Variants in RIIAD1 observed in about 807,000 individuals in gnomAD.
RIIAD1 encodes RIIa domain-containing protein 1.
RIIAD1 carries 15 observed loss-of-function variants against 13.3 expected under a neutral mutation model. That is an observed-to-expected ratio of 1.13 (90% CI 0.76 to 1.74). The LOEUF (loss-of-function observed/expected upper bound fraction) is 1.74, where lower values mean the gene tolerates loss of function less well. Ranked by LOEUF, RIIAD1 falls within the 40% of genes most tolerant of loss-of-function variation. The probability of loss-of-function intolerance (pLI) is 0.00; values close to 1 mark genes in which losing one functional copy is unlikely to be tolerated. For missense variants in RIIAD1, 121 were observed against 112.2 expected, an observed-to-expected ratio of 1.08 and a Z score of -0.35; for synonymous variants, 50 against 43.3, an observed-to-expected ratio of 1.16 and a Z score of -0.61.
intron 4 of RIIAD1, among the ~76,000 whole-genome samples, 156 bp downstream of exon 4, chr1:151,729,049 G>A (rs1647260092): frequency 6.6e-6 from 1 of 152,214 alleles, no homozygotes; most frequent in Non-Finnish European, 1.5e-5. Context: ...TGGGGAATTA[G>A]GGACTGTGAA....
chr1:151,718,996 G>A (rs1046634690), upstream of RIIAD1, among the ~76,000 whole-genome samples: 3 of 152,090 alleles, frequency 2.0e-5, no homozygotes, highest in Non-Finnish European at 4.4e-5. Context: ...ATTCAGGCTT[G>A]GGGCTAATCA....
upstream of RIIAD1, chr1:151,719,828 A>G: frequency 1.7e-6 from 1 of 588,942 alleles, no homozygotes. Context: ...TCAAAGCACA[A>G]GAAGATCACA....
At position 151,728,776 on chromosome 1, in the gene RIIAD1, G is replaced by A. The variant is rs758070985; in HGVS notation, c.219G>A (p.Thr73=). 184 of 1,537,478 alleles carry A rather than the reference G, an allele frequency of 1.2e-4. No homozygotes were observed. Among genetic ancestry groups the A allele is most frequent in the Admixed American group, 1.4e-4 (7 of 50,962 alleles). ...TGATTTTTATCCCAGACTACTTCAC[G>A]GATCCAAGACTTCCCAACAAGATTC... ...NILEFAADYF[T]DPRLPNKIHM... Residue 73 remains threonine, a synonymous_variant, in exon 4 of 5, where the codon ACG becomes ACA. Transcript: ENST00000479191.
At chr1:151,715,522 GCA>G (rs141638568) in intron 4 of RIIAD1, 4,210 of 767,368 alleles carry the variant, frequency 5.5e-3, no homozygotes, top group Non-Finnish European at 6.7e-3. Flanking sequence ...TGCTGCACAC[GCA>G]CACACACACA....
intron 2 of RIIAD1, among the ~76,000 whole-genome samples, chr1:151,727,105 A>C (rs1673844788): frequency 6.6e-6 from 1 of 152,264 alleles, no homozygotes; most frequent in East Asian, 1.9e-4. Context: ...CCTGGGCCAC[A>C]TAGTAAGACT....
chr1:151,724,862 C>T (rs988639348), intron 2 of RIIAD1, among the ~76,000 whole-genome samples: 5 of 150,812 alleles, frequency 3.3e-5, no homozygotes, highest in East Asian at 3.9e-4. Flanking sequence ...TGCAGTGGTG[C>T]GATCTCAGCT....
chr1:151,717,067 A>T (rs918720769), upstream of RIIAD1, among the ~76,000 whole-genome samples: 1 of 152,118 alleles, frequency 6.6e-6, no homozygotes. Flanking sequence ...TTTATAGAGG[A>T]ACCCTAAAGT....
chr1:151,719,497 G>A, upstream of RIIAD1: 1 of 617,858 alleles, frequency 1.6e-6, no homozygotes, highest in Non-Finnish European at 2.9e-6. Flanking sequence ...AGAAATGCTG[G>A]ATAATTGGGA....
intron 2 of RIIAD1, among the ~76,000 whole-genome samples, chr1:151,723,585 A>G (rs776996303): frequency 4.6e-5 from 7 of 152,110 alleles, no homozygotes; most frequent in Admixed American, 3.3e-4. Flanking sequence ...CTGTAATCCC[A>G]GCTACCTGGG....
At chr1:151,719,303 G>T (rs960663858), upstream of RIIAD1, among the ~76,000 whole-genome samples, 1 of 152,134 alleles carries the variant, frequency 6.6e-6, no homozygotes, top group African/African-American at 2.4e-5. Flanking sequence ...AGACTCAGAT[G>T]CCTATTCTGG....
At chr1:151,713,937 C>G (rs1673241137) in intron 3 of RIIAD1, among the ~76,000 whole-genome samples, 1 of 152,202 alleles carries the variant, frequency 6.6e-6, no homozygotes, top group African/African-American at 2.4e-5. Flanking sequence ...CCACCCCTGC[C>G]TCCCTGGGCA....
chr1:151,714,432 G>T lies in RIIAD1; in HGVS notation c.-77G>T, dbSNP rs1673284104. Reference sequence around the variant, plus strand: ...TCCTTCTCTCCAGGTAACAAGAAATGCATGCATCTACAGCAAGAAAGATGG... The same window carrying T: ...TCCTTCTCTCCAGGTAACAAGAAATTCATGCATCTACAGCAAGAAAGATGG... On this transcript the variant is annotated 5_prime_UTR_variant, in exon 4 of 9. Transcript: ENST00000326413. 12 of 693,394 alleles carry T rather than the reference G, an allele frequency of 1.7e-5. No homozygotes were observed. The South Asian group carries it at 1.9e-4, about 11-fold the overall frequency. 43.0% of individuals were successfully genotyped at this position (693,394 alleles called of 1,614,324 possible).
intron 2 of RIIAD1, among the ~76,000 whole-genome samples, chr1:151,712,898 C>T (rs112998982): frequency 5.3e-5 from 8 of 152,066 alleles, no homozygotes; most frequent in Admixed American, 2.6e-4. Flanking sequence ...CACACACATG[C>T]GTGTGCATGC....
intron 2 of RIIAD1, among the ~76,000 whole-genome samples, chr1:151,725,852 C>T (rs995829720): frequency 2.6e-5 from 4 of 152,116 alleles, no homozygotes; most frequent in African/African-American, 9.7e-5. Flanking sequence ...CCCCAGCATT[C>T]AAGGCTCTCC....
intron 4 of RIIAD1, chr1:151,714,650 G>A (rs1227203485): frequency 3.8e-6 from 6 of 1,561,464 alleles, no homozygotes; most frequent in South Asian, 2.4e-5. Flanking sequence ...GCTGAATCCC[G>A]GGCACAGTAT....
chr1:151,727,708 T>G, intron 3 of RIIAD1, 87 bp downstream of exon 3: 1 of 850,310 alleles, frequency 1.2e-6, no homozygotes, highest in Non-Finnish European at 1.8e-6. Flanking sequence ...GAGCCCAGGA[T>G]TCTCCCAGAG....
At chr1:151,714,933 GAGA>G (rs977416358) in intron 4 of RIIAD1, among the ~76,000 whole-genome samples, 14 of 151,946 alleles carry the variant, frequency 9.2e-5, no homozygotes, top group African/African-American at 3.4e-4. Flanking sequence ...TGTGTAGGGA[GAGA>G]AGGACCATGT....
chr1:151,725,989 G>A (rs1245338733), intron 2 of RIIAD1, among the ~76,000 whole-genome samples: 1 of 152,136 alleles, frequency 6.6e-6, no homozygotes, highest in Non-Finnish European at 1.5e-5. Context: ...TGCTCTTTTG[G>A]ACTCAAGATA....
At chr1:151,721,996 G>A (rs1013403939) in intron 1 of RIIAD1, 90 bp from the exon 2 acceptor site, 8 of 881,358 alleles carry the variant, frequency 9.1e-6, no homozygotes, top group Non-Finnish European at 1.5e-5. Context: ...GGTTAAATGC[G>A]CACGCCGTTT....
Sources: gnomAD v4.1 joint callset for allele counts (sites outside exome capture counted in the v4.1 genomes callset) on GRCh38, gnomAD v4.1.1 for gene constraint, MANE v1.5 for transcripts, NCBI Gene and HGNC (gene_info 2026-07-23, HGNC 2026-07-21) for gene names.